Variants in MALRD1 observed in about 807,000 individuals in gnomAD.
MALRD1 encodes MAM and LDL-receptor class A domain-containing protein 1.
A neutral mutation model predicts 242.1 loss-of-function variants in MALRD1; 247 were observed. The ratio of observed to expected loss-of-function variants is 1.02; its 90% CI spans 0.92 to 1.13. MALRD1 has a LOEUF of 1.13. Among genes scored for constraint, MALRD1 ranks in the 50% most tolerant of loss-of-function variants. MALRD1 has a pLI of 0.00. For missense variants in MALRD1, 2,989 were observed against 2,533.1 expected, an observed-to-expected ratio of 1.18 and a Z score of -3.86; for synonymous variants, 995 against 866.6, an observed-to-expected ratio of 1.15 and a Z score of -2.60.
intron 36 of MALRD1, among the ~76,000 whole-genome samples, chr10:19,646,946 T>A (rs1840686274): frequency 6.6e-6 from 1 of 152,172 alleles, no homozygotes; most frequent in South Asian, 2.1e-4. Context: ...TGCTGAGCAC[T>A]GAGTGATCAA....
At position 19,492,002 on chromosome 10, in the gene MALRD1, AT is replaced by A. The variant is rs762658892; in HGVS notation, c.5158+366del. Among the ~76,000 whole-genome samples the A allele has an allele frequency of 1.4e-3, 197 of 144,364 alleles. 5 individuals carry two copies. The East Asian group carries it at 0.035, about 26-fold the overall frequency. 94.7% of individuals were successfully genotyped at this position (144,364 alleles called of 152,430 possible). ...CTTTATTGGTTGTTTTTTTTTTTCT[AT>A]TTTTTTTTCCAAAAAATTGTTGATT... On this transcript the variant is annotated intron_variant, in intron 30 of 39. Transcript: ENST00000454679.
intron 26 of MALRD1, among the ~76,000 whole-genome samples, chr10:19,372,392 A>G (rs958813240): frequency 2.6e-5 from 4 of 152,104 alleles, no homozygotes; most frequent in East Asian, 1.9e-4. Flanking sequence ...AAAAATAGAA[A>G]GGTGTTAAAA....
chr10:19,270,132 C>T (rs751662299), intron 19 of MALRD1, among the ~76,000 whole-genome samples: 41 of 152,132 alleles, frequency 2.7e-4, no homozygotes, highest in Non-Finnish European at 3.2e-4. Flanking sequence ...CTGGCCAACA[C>T]GGTGAAACCC....
intron 35 of MALRD1, among the ~76,000 whole-genome samples, chr10:19,613,277 G>C (rs936837616): frequency 6.6e-6 from 1 of 151,992 alleles, no homozygotes; most frequent in Non-Finnish European, 1.5e-5. Flanking sequence ...TATTTCATCT[G>C]AGGTTCAGAC....
chr10:19,355,290 G>A (rs1285167711), intron 26 of MALRD1, among the ~76,000 whole-genome samples: 3 of 152,068 alleles, frequency 2.0e-5, no homozygotes, highest in Admixed American at 6.6e-5. Context: ...TTGAGTATCA[G>A]TTTAATTTTT....
At chr10:19,709,192 G>A (rs1833997138) in intron 38 of MALRD1, among the ~76,000 whole-genome samples, 2 of 146,880 alleles carry the variant, frequency 1.4e-5, no homozygotes, top group African/African-American at 5.1e-5. Flanking sequence ...GACCACTTTA[G>A]GCCAGAAGTT....
rs1430401945 is a variant in MALRD1 at position 19,734,185 on chromosome 10, T to G, written c.6419T>G (p.Leu2140Ter). 6.5e-7 allele frequency: 1 copy of G among 1,535,804 alleles called. No homozygotes were observed. Among genetic ancestry groups the G allele is most frequent in the Non-Finnish European group, 8.7e-7 (1 of 1,146,744 alleles). Residue 2140 changes from leucine (L) to a stop codon, truncating the protein, a stop_gained, in exon 40 of 40, where the codon TTA becomes TGA. Transcript: ENST00000454679. LOFTEE classifies it low-confidence loss of function (END_TRUNC). ...ESSVYSFSNPLYGTTSGSLET... is the reference protein window; with the variant it reads ...ESSVYSFSNP Reference sequence around the variant, plus strand: ...TCTGTCTATTCCTTCTCAAACCCATTATATGGCACAACATCAGGAAGCCTG... The same window carrying G: ...TCTGTCTATTCCTTCTCAAACCCATGATATGGCACAACATCAGGAAGCCTG...
chr10:19,339,775 C>T (rs1429450795), intron 24 of MALRD1, among the ~76,000 whole-genome samples: 1 of 152,064 alleles, frequency 6.6e-6, no homozygotes, highest in Non-Finnish European at 1.5e-5. Flanking sequence ...TTTGTAGGTA[C>T]ATAGTATGTG....
chr10:19,229,585 G>C (rs146294538), intron 18 of MALRD1, among the ~76,000 whole-genome samples: 1 of 151,982 alleles, frequency 6.6e-6, no homozygotes, highest in African/African-American at 2.4e-5. Context: ...TTATTCTCTC[G>C]TTTAGTCGCT....
In MALRD1 at chr10:19,146,976, G is replaced by A. The variant is rs190426139; in HGVS notation, c.1558+632G>A. ...TTTTGTTTTGTTCACATTTGTCATCGGATGTCATTCCCCATATACGTTAGC... is the reference window on the plus strand; with the variant it reads ...TTTTGTTTTGTTCACATTTGTCATCAGATGTCATTCCCCATATACGTTAGC... On this transcript the variant is annotated intron_variant, in intron 11 of 39. Coordinates refer to ENST00000454679, the MANE Select transcript of MALRD1 (RefSeq NM_001142308.3). Among the ~76,000 whole-genome samples the A allele has an allele frequency of 4.8e-4, 73 of 152,156 alleles. No homozygotes were observed. The East Asian group carries it at 7.2e-3, about 15-fold the overall frequency.
intron 31 of MALRD1, among the ~76,000 whole-genome samples, chr10:19,510,463 G>A (rs1304748360): frequency 1.3e-5 from 2 of 152,196 alleles, no homozygotes; most frequent in Non-Finnish European, 2.9e-5. Context: ...GTTCCCTGCA[G>A]CCTTCCGCAG....
At chr10:19,084,121 G>A (rs1031655390) in intron 2 of MALRD1, among the ~76,000 whole-genome samples, 1 of 151,906 alleles carries the variant, frequency 6.6e-6, no homozygotes, top group Non-Finnish European at 1.5e-5. Context: ...TACTATTTTA[G>A]GGTATTCTTT....
intron 31 of MALRD1, among the ~76,000 whole-genome samples, chr10:19,505,286 C>T (rs1353598571): frequency 6.6e-6 from 1 of 152,142 alleles, no homozygotes; most frequent in Non-Finnish European, 1.5e-5. Context: ...CTCCAGAATT[C>T]CTAGGTTGAA....
At chr10:19,203,903 A>C (rs7476259) in intron 15 of MALRD1, 23 bp downstream of exon 15, 1,332,243 of 1,549,862 alleles carry the variant, frequency 0.86, 574,248 homozygotes, top group East Asian at 1. Context: ...CAGGGACTCT[A>C]CAACCACTGC....
In MALRD1 at chr10:19,257,613, C is replaced by T. The variant is rs541055791; in HGVS notation, c.2992-71C>T. The T allele has an allele frequency of 4.0e-5, 45 of 1,139,236 alleles. 2 individuals carry two copies. In the South Asian group the frequency reaches 6.9e-4, roughly 17 times the overall value. The allele number at this position is 1,139,236 out of a possible 1,614,324, so 70.6% of individuals were successfully genotyped here. Reference sequence around the variant, plus strand: ...GGTACATTTTAAATTCCTCTTCATCCATTCCATAACTTAATTTCCTTTACC... The same window carrying T: ...GGTACATTTTAAATTCCTCTTCATCTATTCCATAACTTAATTTCCTTTACC... On this transcript the variant is annotated intron_variant, in intron 18 of 39. Transcript: ENST00000454679.
At chr10:19,281,903 G>C (rs1399013776) in intron 20 of MALRD1, among the ~76,000 whole-genome samples, 1 of 150,048 alleles carries the variant, frequency 6.7e-6, no homozygotes, top group Non-Finnish European at 1.5e-5. Flanking sequence ...GAGCCTGGGA[G>C]GGGGAGCCGA....
At chr10:19,617,839 G>T (rs1022750348) in intron 36 of MALRD1, among the ~76,000 whole-genome samples, 3 of 152,002 alleles carry the variant, frequency 2.0e-5, no homozygotes, top group Admixed American at 6.6e-5. Flanking sequence ...ACCTACACAT[G>T]TAGTTTTATT....
intron 36 of MALRD1, among the ~76,000 whole-genome samples, chr10:19,663,149 G>A (rs1302146687): frequency 1.3e-5 from 2 of 152,030 alleles, no homozygotes; most frequent in African/African-American, 4.8e-5. Flanking sequence ...CACCCAATTG[G>A]TAATTTTCCA....
At chr10:19,411,751 G>A (rs1435982563) in intron 28 of MALRD1, among the ~76,000 whole-genome samples, 2 of 152,060 alleles carry the variant, frequency 1.3e-5, no homozygotes, top group African/African-American at 4.8e-5. Flanking sequence ...ACAACCAAGG[G>A]ACACTAGTAT....
Sources: allele counts gnomAD v4.1 joint callset (sites outside exome capture counted in the v4.1 genomes callset), GRCh38; gene constraint gnomAD v4.1.1; transcripts MANE v1.5; gene names NCBI Gene and HGNC (gene_info 2026-07-23, HGNC 2026-07-21).